Variants in TM9SF2 observed in about 807,000 individuals in gnomAD.
TM9SF2 encodes transmembrane 9 superfamily member 2.
Under a neutral mutation model 84.9 loss-of-function variants are expected in TM9SF2, and 13 were observed. That is an observed-to-expected ratio of 0.15 (90% CI 0.10 to 0.24). The LOEUF is 0.24. Among genes scored for constraint, TM9SF2 ranks in the 10% least tolerant of loss-of-function variants. The pLI, the probability that TM9SF2 is intolerant of heterozygous loss-of-function variation, is 1.00. For synonymous variants in TM9SF2, 273 were observed against 285.8 expected (o/e 0.96, Z 0.45); for missense variants, 562 against 818.5 (o/e 0.69, Z 3.82).
At position 99,537,768 on chromosome 13, in the gene TM9SF2, C is replaced by T. The variant is rs2046240743; in HGVS notation, c.621C>T (p.Tyr207=). The T allele has an allele frequency of 6.2e-7, 1 of 1,609,010 alleles. No homozygotes were observed. The highest frequency in any genetic ancestry group is 8.5e-7 in the Non-Finnish European group (1 of 1,179,020). The change falls in exon 6 of 17, where the codon TAC becomes TAT. Residue 207 remains tyrosine (Y), a synonymous_variant. Coordinates refer to ENST00000376387, the MANE Select transcript of TM9SF2 (RefSeq NM_004800.3). ...ATTTCCATGAAAGAGATACATTTTA[C>T]ATCTTCAACCATGTTGACATCAAAA... ...SSDFHERDTF[Y]IFNHVDIKIY...
chr13:99,558,788 A>G (rs1163983286), intron 15 of TM9SF2, among the ~76,000 whole-genome samples: 3 of 152,062 alleles, frequency 2.0e-5, no homozygotes, highest in African/African-American at 4.8e-5. Context: ...CTTTTCGAAT[A>G]TATTTGTTTT....
intron 2 of TM9SF2, among the ~76,000 whole-genome samples, chr13:99,518,941 G>T (rs941469759): frequency 1.3e-5 from 2 of 152,004 alleles, no homozygotes; most frequent in Non-Finnish European, 2.9e-5. Flanking sequence ...GAAAAACGCT[G>T]CATGAATATC....
At chr13:99,512,554 A>C (rs2046117914) in intron 1 of TM9SF2, among the ~76,000 whole-genome samples, 4 of 151,888 alleles carry the variant, frequency 2.6e-5, no homozygotes, top group East Asian at 1.9e-4. Flanking sequence ...GGGTGTGAAA[A>C]CCCCCCGTGG....
At chr13:99,515,978 C>T (rs528097471) in intron 1 of TM9SF2, among the ~76,000 whole-genome samples, 79 of 152,296 alleles carry the variant, frequency 5.2e-4, no homozygotes, top group African/African-American at 1.7e-3. Context: ...GTGATCCGCC[C>T]GCCTTGGCCT....
At chr13:99,530,536 G>A (rs2046204154) in intron 4 of TM9SF2, among the ~76,000 whole-genome samples, 1 of 152,216 alleles carries the variant, frequency 6.6e-6, no homozygotes, top group Admixed American at 6.5e-5. Flanking sequence ...AAAGTGAAGT[G>A]CAATAAAACG....
intron 1 of TM9SF2, among the ~76,000 whole-genome samples, chr13:99,506,756 AACACAAAC>A (rs1382899296): frequency 6.6e-6 from 1 of 152,156 alleles, no homozygotes; most frequent in African/African-American, 2.4e-5. Flanking sequence ...TCACACCCCC[AACACAAAC>A]ACACAGACAC....
intron 11 of TM9SF2, among the ~76,000 whole-genome samples, 181 bp downstream of exon 11, chr13:99,547,285 T>C (rs1402241993): frequency 1.3e-5 from 2 of 152,200 alleles, no homozygotes; most frequent in East Asian, 3.9e-4. Context: ...TCCCAAAATT[T>C]ATTTGTTCGA....
intron 2 of TM9SF2, chr13:99,519,557 C>CTT (rs2046150110): frequency 6.4e-6 from 1 of 155,258 alleles, no homozygotes; most frequent in Non-Finnish European, 1.4e-5. Context: ...GCACTCTTCA[C>CTT]AGAGGGTCTT....
chr13:99,515,929 GCCATGTTGA>G (rs1429482827), intron 1 of TM9SF2, among the ~76,000 whole-genome samples: 3 of 151,850 alleles, frequency 2.0e-5, no homozygotes, highest in African/African-American at 7.3e-5. Flanking sequence ...ACGGGGTTTC[GCCATGTTGA>G]CCAGGCTGGT....
At chr13:99,513,835 A>G (rs144982247) in intron 1 of TM9SF2, among the ~76,000 whole-genome samples, 1 of 152,258 alleles carries the variant, frequency 6.6e-6, no homozygotes, top group Admixed American at 6.5e-5. Context: ...GGCTACAGCC[A>G]TGCTCACTTG....
At chr13:99,561,518 A>G (rs1161547198) in intron 16 of TM9SF2, among the ~76,000 whole-genome samples, 2 of 152,222 alleles carry the variant, frequency 1.3e-5, no homozygotes, top group Non-Finnish European at 2.9e-5. Context: ...CCTAGCCTGA[A>G]TAATTATCCT....
chr13:99,539,648 C>A, intron 7 of TM9SF2, 91 bp downstream of exon 7: 1 of 869,802 alleles, frequency 1.1e-6, no homozygotes, highest in African/African-American at 1.7e-5. Context: ...TTATGCTTGT[C>A]AAATAAAGAA....
chr13:99,553,580 C>G (rs2139109849), intron 13 of TM9SF2, among the ~76,000 whole-genome samples: 1 of 152,284 alleles, frequency 6.6e-6, no homozygotes, highest in African/African-American at 2.4e-5. Context: ...ATAATCTAGT[C>G]TGTGGAAGTA....
rs759875311 is a variant in TM9SF2 at position 99,541,583 on chromosome 13, T to C, written c.933T>C (p.Val311=). The C allele has an allele frequency of 6.2e-7, 1 of 1,612,932 alleles. No homozygotes were observed. The highest frequency in any genetic ancestry group is 8.5e-7 in the Non-Finnish European group (1 of 1,179,400). ...GCATTATGAATTCCCTGGTCATTGT[T>C]CTCTTCTTATCTGGAATGGTAGCTA... is the stretch of plus-strand genomic sequence containing the variant. ...WFSIMNSLVI[V]LFLSGMVAMI... The change falls in exon 9 of 17, where the codon GTT becomes GTC. Residue 311 remains valine, a synonymous_variant. Coordinates refer to ENST00000376387, the MANE Select transcript of TM9SF2 (RefSeq NM_004800.3).
chr13:99,551,506 C>T (rs1481369645), intron 12 of TM9SF2, among the ~76,000 whole-genome samples: 2 of 152,168 alleles, frequency 1.3e-5, no homozygotes, highest in Non-Finnish European at 2.9e-5. Flanking sequence ...TTCATGGTCC[C>T]AGGTTAGGGA....
intron 1 of TM9SF2, among the ~76,000 whole-genome samples, chr13:99,502,516 C>T (rs2046070999): frequency 6.6e-6 from 1 of 152,102 alleles, no homozygotes; most frequent in South Asian, 2.1e-4. Context: ...TTAAAAGGGG[C>T]AAATGGTGGG....
At chr13:99,512,271 G>A (rs147702291) in intron 1 of TM9SF2, among the ~76,000 whole-genome samples, 121 of 152,234 alleles carry the variant, frequency 7.9e-4, no homozygotes, top group African/African-American at 2.8e-3. Context: ...CAGCTTCTGC[G>A]TGTACTGTTT....
At position 99,517,616 on chromosome 13, in the gene TM9SF2, C is replaced by T. The variant is rs545493066; in HGVS notation, c.174C>T (p.Ala58=). The change falls in exon 2 of 17, where the codon GCC becomes GCT. Residue 58 remains alanine (A), a splice_region_variant and synonymous_variant. Transcript: ENST00000376387. ...DEEKKSDECK[A]EIELFVNRLD... is the part of the protein sequence containing the mutation. Reference sequence around the variant, plus strand: ...ATTTTGTGTTTCCTTATTTTCAGGCCGAAATAGAACTATTTGTGAACAGAC... The same window carrying T: ...ATTTTGTGTTTCCTTATTTTCAGGCTGAAATAGAACTATTTGTGAACAGAC... 18 of 1,556,158 alleles carry T rather than the reference C, an allele frequency of 1.2e-5. No individual in the cohort carries two copies. The highest frequency in any genetic ancestry group is 5.6e-5 in the Admixed American group (3 of 53,132).
At chr13:99,512,151 T>G (rs1380573874) in intron 1 of TM9SF2, among the ~76,000 whole-genome samples, 1 of 152,216 alleles carries the variant, frequency 6.6e-6, no homozygotes, top group African/African-American at 2.4e-5. Context: ...ACAGAAACCC[T>G]TATGCTGATA....
Sources: allele counts gnomAD v4.1 joint callset (sites outside exome capture counted in the v4.1 genomes callset), GRCh38; gene constraint gnomAD v4.1.1; transcripts MANE v1.5; gene names NCBI Gene and HGNC (gene_info 2026-07-23, HGNC 2026-07-21).